The following EEIG2 variants were observed in gnomAD, a reference collection of about 807,000 sequenced individuals.
EEIG2 encodes family with sequence similarity 102 member B.
At chr1:108,564,574 A>G in the EEIG2 span, among the ~76,000 whole-genome samples, 48 of 152,170 alleles carry the variant, frequency 3.2e-4, no homozygotes, top group Admixed American at 2.7e-3. Context: ...GATGTTGTCT[A>G]TTGGAGCCAT....
the EEIG2 span, among the ~76,000 whole-genome samples, chr1:108,604,033 CAAGT>C: frequency 3.3e-5 from 5 of 152,154 alleles, no homozygotes; most frequent in East Asian, 1.9e-4. Context: ...GGAGGAGAGA[CAAGT>C]GAGTGTGGCT....
chr1:108,632,074 AC>A, the EEIG2 span, among the ~76,000 whole-genome samples: 1 of 143,460 alleles, frequency 7.0e-6, no homozygotes, highest in African/African-American at 2.6e-5. Flanking sequence ...AGATTGCACC[AC>A]TGCACTCCAG....
At chr1:108,603,453 C>T in the EEIG2 span, among the ~76,000 whole-genome samples, 1 of 13,550 alleles carries the variant, frequency 7.4e-5, no homozygotes, top group African/African-American at 8.5e-5. Context: ...ATCAGCCTTA[C>T]AAAGACAAAC....
chr1:108,628,888 TCA>T, the EEIG2 span: 1 of 1,192,050 alleles, frequency 8.4e-7, no homozygotes, highest in Non-Finnish European at 1.2e-6. Flanking sequence ...GCTCAGAACA[TCA>T]TAATACTGAC....
the EEIG2 span, among the ~76,000 whole-genome samples, chr1:108,587,693 C>T: frequency 6.6e-6 from 1 of 152,140 alleles, no homozygotes; most frequent in East Asian, 1.9e-4. Context: ...AGGATTTTTA[C>T]CTTATCCGTA....
At chr1:108,612,040 G>A in the EEIG2 span, 4 of 531,380 alleles carry the variant, frequency 7.5e-6, no homozygotes, top group South Asian at 1.1e-4. Flanking sequence ...TAATAGAACA[G>A]GTATTAAGAG....
At chr1:108,592,205 A>AT in the EEIG2 span, among the ~76,000 whole-genome samples, 2 of 152,234 alleles carry the variant, frequency 1.3e-5, no homozygotes, top group Non-Finnish European at 2.9e-5. Flanking sequence ...AAAGGGCTTG[A>AT]TTTACAAATA....
chr1:108,612,256 G>C, the EEIG2 span: 1 of 1,613,496 alleles, frequency 6.2e-7, no homozygotes, highest in Non-Finnish European at 8.5e-7. Flanking sequence ...GGAAGGCTAT[G>C]ATACCAAAAA....
the EEIG2 span, among the ~76,000 whole-genome samples, chr1:108,629,402 T>G: frequency 6.6e-6 from 1 of 152,336 alleles, no homozygotes; most frequent in African/African-American, 2.4e-5. Flanking sequence ...TTTAGAAACA[T>G]TGAAGAGAAA....
the EEIG2 span, chr1:108,626,981 A>T: frequency 2.6e-5 from 4 of 152,210 alleles, no homozygotes; most frequent in Admixed American, 2.6e-4. Context: ...TACTTACCAC[A>T]TTGTATAAGT....
At chr1:108,601,096 G>A in the EEIG2 span, among the ~76,000 whole-genome samples, 15 of 151,970 alleles carry the variant, frequency 9.9e-5, no homozygotes, top group Non-Finnish European at 2.2e-4. Flanking sequence ...GAAGTTACTT[G>A]CCCAAATTTA....
At chr1:108,618,657 C>T in the EEIG2 span, among the ~76,000 whole-genome samples, 1 of 151,988 alleles carries the variant, frequency 6.6e-6, no homozygotes, top group South Asian at 2.1e-4. Flanking sequence ...CTTTGGGAGG[C>T]CGAGGCAGGA....
the EEIG2 span, among the ~76,000 whole-genome samples, chr1:108,566,369 T>C: frequency 6.6e-6 from 1 of 152,178 alleles, no homozygotes; most frequent in African/African-American, 2.4e-5. Flanking sequence ...GGTTTTGATA[T>C]ATATTACCAA....
the EEIG2 span, among the ~76,000 whole-genome samples, chr1:108,572,834 C>G: frequency 6.6e-6 from 1 of 152,000 alleles, no homozygotes; most frequent in Non-Finnish European, 1.5e-5. Context: ...TTTGCCTTTT[C>G]CAGAATGTCC....
the EEIG2 span, among the ~76,000 whole-genome samples, chr1:108,578,291 T>C: frequency 8.0e-6 from 1 of 125,262 alleles, no homozygotes; most frequent in Non-Finnish European, 1.6e-5. Flanking sequence ...TACCCTTTAT[T>C]TCCTTCTCCT....
chr1:108,611,568 T>G, the EEIG2 span, among the ~76,000 whole-genome samples: 5 of 152,268 alleles, frequency 3.3e-5, no homozygotes, highest in Admixed American at 3.3e-4. Context: ...AAAGAGAGAT[T>G]TAGTTCAAGG....
the EEIG2 span, among the ~76,000 whole-genome samples, chr1:108,561,499 T>C: frequency 6.6e-6 from 1 of 152,188 alleles, no homozygotes; most frequent in Non-Finnish European, 1.5e-5. Context: ...CCTAAAAATA[T>C]TCTACTTAAA....
At chr1:108,620,092 CA>C in the EEIG2 span, among the ~76,000 whole-genome samples, 1 of 152,130 alleles carries the variant, frequency 6.6e-6, no homozygotes, top group African/African-American at 2.4e-5. Context: ...AACGGAGTAA[CA>C]GAGCAATTGT....
chr1:108,635,406 A>T, the EEIG2 span: 1 of 409,886 alleles, frequency 2.4e-6, no homozygotes, highest in Non-Finnish European at 4.4e-6. Flanking sequence ...GCACATCATA[A>T]TGAAAAGCCT....
Sources: gnomAD v4.1 joint callset for allele counts (sites outside exome capture counted in the v4.1 genomes callset) on GRCh38, gnomAD v4.1.1 for gene constraint, MANE v1.5 for transcripts, NCBI Gene and HGNC (gene_info 2026-07-23, HGNC 2026-07-21) for gene names.